RAB32: variants seen among roughly 807,000 people sequenced by gnomAD.
RAB32 encodes the protein RAB32, member RAS oncogene family, also known as ras-related protein Rab-32.
RAB32 carries 17 observed loss-of-function variants against 17.5 expected under a neutral mutation model. The ratio of observed to expected loss-of-function variants is 0.97; its 90% CI spans 0.67 to 1.46. RAB32 has a LOEUF of 1.46. Among genes scored for constraint, RAB32 ranks in the 40% most tolerant of loss-of-function variants. RAB32 has a pLI of 0.00. For synonymous variants in RAB32, 115 were observed against 111.1 expected, an observed-to-expected ratio of 1.04 and a Z score of -0.22; for missense variants, 288 against 284.3, an observed-to-expected ratio of 1.01 and a Z score of -0.09.
In RAB32 at chr6:146,554,648, A is replaced by C. The variant is rs529488061; in HGVS notation, c.*43A>C. 1.6e-5 allele frequency: 25 copies of C among 1,575,470 alleles called. No individual in the cohort carries two copies. The East Asian group carries it at 5.0e-4, about 31-fold the overall frequency. On this transcript the variant is annotated 3_prime_UTR_variant, in exon 3 of 3. Coordinates refer to ENST00000367495, the MANE Select transcript of RAB32 (RefSeq NM_006834.5). ...TCTTGTGTGTGCCTCAGCTCTGAAG[A>C]AGTTCCTGAGAATGGGTTACAGATG...
intron 1 of RAB32, among the ~76,000 whole-genome samples, chr6:146,547,722 C>CAA (rs34641788): frequency 1.9e-4 from 21 of 109,616 alleles, no homozygotes; most frequent in African/African-American, 6.5e-4. Flanking sequence ...AGATGATTCA[C>CAA]AAAAAAAAAA....
intron 2 of RAB32, 91 bp downstream of exon 2, chr6:146,549,832 G>A (rs1583536966): frequency 2.2e-6 from 3 of 1,374,488 alleles, no homozygotes; most frequent in Admixed American, 2.3e-5. Context: ...TATGTGAGTG[G>A]TGTTTGAAAG....
intron 1 of RAB32, among the ~76,000 whole-genome samples, chr6:146,548,310 A>G (rs1172596982): frequency 6.6e-6 from 1 of 152,204 alleles, no homozygotes; most frequent in East Asian, 1.9e-4. Context: ...TTCTTCCATT[A>G]TTCCCTAAAA....
chr6:146,554,837 A>G lies in RAB32; in HGVS notation c.*232A>G, dbSNP rs1779939431. 1 of 409,288 alleles carries G rather than the reference A, an allele frequency of 2.4e-6. No individual in the cohort carries two copies. Among genetic ancestry groups the G allele is most frequent in the South Asian group, 5.9e-5 (1 of 16,866 alleles). The allele number at this position is 409,288 out of a possible 1,614,324, so 25.4% of individuals were successfully genotyped here. On this transcript the variant is annotated 3_prime_UTR_variant, in exon 3 of 3. Transcript: ENST00000367495. The stretch of plus-strand genomic sequence containing the variant: ...TTTGTCATTGTTGCCATCATATGGA[A>G]GATAATGTTTACATCCTTTTAAACA...
rs1317823909 is a variant in RAB32 at position 146,554,861 on chromosome 6, CATTTTT to C, written c.*259_*264del. Reference sequence around the variant, plus strand: ...AAGATAATGTTTACATCCTTTTAAACATTTTTATATGACAATTCCTCAGGATTTGGT... The same window carrying C: ...AAGATAATGTTTACATCCTTTTAAACATATGACAATTCCTCAGGATTTGGT... On this transcript the variant is annotated 3_prime_UTR_variant, in exon 3 of 3. Coordinates refer to ENST00000367495, the MANE Select transcript of RAB32 (RefSeq NM_006834.5). 19 of 313,548 alleles carry C rather than the reference CATTTTT, an allele frequency of 6.1e-5. No homozygotes were observed. Among genetic ancestry groups the C allele is most frequent in the Non-Finnish European group, 1.2e-5 (2 of 171,376 alleles). 19.4% of individuals were successfully genotyped at this position (313,548 alleles called of 1,614,324 possible).
chr6:146,545,594 C>A (rs1779810155), intron 1 of RAB32, among the ~76,000 whole-genome samples: 1 of 152,210 alleles, frequency 6.6e-6, no homozygotes. Context: ...GTCCCTCAGA[C>A]AGGAGAATAA....
intron 2 of RAB32, among the ~76,000 whole-genome samples, chr6:146,552,808 G>A (rs962976065): frequency 2.0e-5 from 3 of 152,104 alleles, no homozygotes; most frequent in South Asian, 2.1e-4. Flanking sequence ...ATTTTAGGAC[G>A]GGTGGAACAA....
At position 146,554,545 on chromosome 6, in the gene RAB32, G is replaced by T; in HGVS notation, c.618G>T (p.Val206=). ...HQSFPNEEND[V]DKIKLDQETL... ...GCTTTCCTAATGAAGAAAACGATGT[G>T]GACAAAATTAAGCTAGATCAAGAGA... The change falls in exon 3 of 3, where the codon GTG becomes GTT. Residue 206 remains valine, a synonymous_variant. Coordinates refer to ENST00000367495, the MANE Select transcript of RAB32 (RefSeq NM_006834.5). The T allele has an allele frequency of 6.2e-7, 1 of 1,613,834 alleles. No homozygotes were observed. The highest frequency in any genetic ancestry group is 8.5e-7 in the Non-Finnish European group (1 of 1,179,812).
In RAB32 at chr6:146,551,945, TAA is replaced by T. The variant is rs1333567529; in HGVS notation, c.528+2210_528+2211del. Among the ~76,000 whole-genome samples, 16 of 152,172 alleles carry T rather than the reference TAA, an allele frequency of 1.1e-4. No homozygotes were observed. The East Asian group carries it at 2.9e-3, about 28-fold the overall frequency. On this transcript the variant is annotated intron_variant, in intron 2 of 2. Transcript: ENST00000367495. ...ACGTGTTCCAAGAGAATAACAGTAA[TAA>T]AAAAATTTAGGTTAAAAATCTTAGA...
intron 1 of RAB32, among the ~76,000 whole-genome samples, chr6:146,545,888 G>T (rs1779813403): frequency 1.3e-5 from 2 of 152,156 alleles, no homozygotes; most frequent in Admixed American, 6.5e-5. Flanking sequence ...TTAAAACCTT[G>T]CTTACAAGGG....
intron 2 of RAB32, among the ~76,000 whole-genome samples, chr6:146,552,542 G>A (rs1048330227): frequency 3.3e-5 from 5 of 152,122 alleles, no homozygotes; most frequent in Admixed American, 2.0e-4. Context: ...TCATATGTGT[G>A]TGTGTGTAAG....
rs183557772 is a variant in RAB32 at position 146,544,133 on chromosome 6, C to A, written c.250+12C>A. ...GTGGGACATCGCGGGTAAGCGCGGC[C>A]GCGAGTTTCCCACTCCAGAGCCCCG... On this transcript the variant is annotated intron_variant, in intron 1 of 2. Coordinates refer to ENST00000367495, the MANE Select transcript of RAB32 (RefSeq NM_006834.5). 7.9e-4 allele frequency: 1,262 copies of A among 1,602,968 alleles called. 23 individuals are homozygous for A. In the Admixed American group the frequency reaches 0.02, roughly 26 times the overall value.
chr6:146,548,251 CA>C (rs1779847436), intron 1 of RAB32, among the ~76,000 whole-genome samples: 1 of 152,022 alleles, frequency 6.6e-6, no homozygotes, highest in Admixed American at 6.5e-5. Context: ...GGAGTCATCA[CA>C]AAACAAACCT....
intron 2 of RAB32, among the ~76,000 whole-genome samples, chr6:146,552,744 T>C (rs1030635051): frequency 1.8e-4 from 27 of 152,232 alleles, no homozygotes; most frequent in African/African-American, 6.5e-4. Context: ...CAAAATTCGG[T>C]TTTTAAATAT....
At chr6:146,547,743 A>T (rs1453278182) in intron 1 of RAB32, among the ~76,000 whole-genome samples, 1 of 149,248 alleles carries the variant, frequency 6.7e-6, no homozygotes, top group Non-Finnish European at 1.5e-5. Flanking sequence ...AAAAAAAAGC[A>T]ACAGTCACTA....
intron 1 of RAB32, among the ~76,000 whole-genome samples, chr6:146,549,041 A>G (rs12189826): frequency 0.5 from 76,374 of 152,048 alleles, 23,733 homozygotes; most frequent in Non-Finnish European, 0.69. Flanking sequence ...AATCTATTTG[A>G]CTAGCATGTT....
chr6:146,544,088 A>G lies in RAB32; in HGVS notation c.217A>G (p.Thr73Ala), dbSNP rs756435600. ...ALKVLNWDSR[T>A]LVRLQLWDIA... ...CAAGGTCCTCAACTGGGACAGCAGG[A>G]CTCTGGTGCGCCTGCAGCTGTGGGA... Residue 73 changes from threonine to alanine, a missense_variant, in exon 1 of 3, where the codon ACT becomes GCT. Transcript: ENST00000367495. The G allele has an allele frequency of 1.2e-6, 2 of 1,612,850 alleles. No individual in the cohort carries two copies. Among genetic ancestry groups the G allele is most frequent in the South Asian group, 2.2e-5 (2 of 91,022 alleles).
In RAB32 at chr6:146,544,074, A is replaced by C. The variant is rs201415244; in HGVS notation, c.203A>C (p.Asn68Thr). 448 of 1,613,676 alleles carry C rather than the reference A, an allele frequency of 2.8e-4. No homozygotes were observed. Among genetic ancestry groups the C allele is most frequent in the Non-Finnish European group, 3.6e-4 (427 of 1,179,908 alleles). ...IGVDFALKVLNWDSRTLVRLQ... is the reference protein window; with the variant it reads ...IGVDFALKVLTWDSRTLVRLQ... ...GTGGACTTCGCCCTCAAGGTCCTCAACTGGGACAGCAGGACTCTGGTGCGC... is the reference window on the plus strand; with the variant it reads ...GTGGACTTCGCCCTCAAGGTCCTCACCTGGGACAGCAGGACTCTGGTGCGC... The change falls in exon 1 of 3, where the codon AAC becomes ACC. Residue 68 changes from asparagine to threonine, a missense_variant. Coordinates refer to ENST00000367495, the MANE Select transcript of RAB32 (RefSeq NM_006834.5).
At chr6:146,551,592 G>GAAAAA (rs35080011) in intron 2 of RAB32, among the ~76,000 whole-genome samples, 1 of 144,744 alleles carries the variant, frequency 6.9e-6, no homozygotes. Flanking sequence ...GTAAAAAGAC[G>GAAAAA]AAAAAAAAAA....
Sources: allele counts gnomAD v4.1 joint callset (sites outside exome capture counted in the v4.1 genomes callset), GRCh38; gene constraint gnomAD v4.1.1; transcripts MANE v1.5; gene names NCBI Gene and HGNC (gene_info 2026-07-23, HGNC 2026-07-21).